Variants in CEP128 observed in about 807,000 individuals in gnomAD.
CEP128 encodes centrosomal protein 128, also known as centrosomal protein 128kDa.
A neutral mutation model predicts 156.7 loss-of-function variants in CEP128; 132 were observed. The observed-to-expected ratio is 0.84, with a 90% CI of 0.73 to 0.97. The LOEUF (loss-of-function observed/expected upper bound fraction) is 0.97. CEP128 is among the 50% of genes least tolerant of loss of function. The pLI is 0.00. For missense variants in CEP128, 1,252 were observed against 1,281.9 expected (o/e 0.98, Z 0.36); for synonymous variants, 469 against 448.9 (o/e 1.04, Z -0.57).
chr14:80,639,404 T>C (rs1894319604), intron 19 of CEP128, among the ~76,000 whole-genome samples: 1 of 152,146 alleles, frequency 6.6e-6, no homozygotes, highest in Non-Finnish European at 1.5e-5. Context: ...GGTATTTACA[T>C]ATGATCCAAA....
chr14:80,697,627 T>C (rs1896933470), intron 19 of CEP128, among the ~76,000 whole-genome samples: 1 of 152,042 alleles, frequency 6.6e-6, no homozygotes, highest in Non-Finnish European at 1.5e-5. Flanking sequence ...AAATGCTGAA[T>C]AGAAAACAGG....
intron 10 of CEP128, among the ~76,000 whole-genome samples, chr14:80,840,172 G>C (rs1177115343): frequency 1.3e-5 from 2 of 152,144 alleles, no homozygotes; most frequent in African/African-American, 4.8e-5. Context: ...AGGAAGAGTT[G>C]TTTGGCCTCT....
chr14:80,621,189 TAAG>T (rs1484544503), intron 19 of CEP128, among the ~76,000 whole-genome samples: 3 of 152,212 alleles, frequency 2.0e-5, no homozygotes, highest in East Asian at 3.8e-4. Flanking sequence ...TTTTTTAAGT[TAAG>T]AAGGCAAATA....
Position 80,955,937 on chromosome 14 carries a change from A to G in CEP128, c.-172+2241T>C, listed in dbSNP as rs866096583. 29 of 1,522,520 alleles carry G rather than the reference A, an allele frequency of 1.9e-5. No individual in the cohort carries two copies. In the Middle Eastern group the frequency reaches 1.5e-3, roughly 81 times the overall value. The allele number at this position is 1,522,520 out of a possible 1,614,324, so 94.3% of individuals were successfully genotyped here. On this transcript the variant is annotated intron_variant, in intron 2 of 7. Transcript: ENST00000555529. ...CGAAGTGCACAAAAGCAGCTCAATA[A>G]CAGCCCGAAGTAGTGTGTGAGTGTG...
intron 20 of CEP128, among the ~76,000 whole-genome samples, chr14:80,573,517 C>A (rs1461850884): frequency 6.6e-6 from 1 of 152,076 alleles, no homozygotes; most frequent in Non-Finnish European, 1.5e-5. Context: ...ATACTTCTTT[C>A]GTAGGGTATT....
chr14:80,486,851 T>TGCCCTAAATAGCTCCTGAAGGAA (rs1399084666), downstream of CEP128, among the ~76,000 whole-genome samples: 16 of 152,120 alleles, frequency 1.1e-4, no homozygotes, highest in African/African-American at 3.9e-4. Context: ...CCACCAGGCC[T>TGCCCTAAATAGCTCCTGAAGGAA]GCCCTAAATA....
intron 23 of CEP128, among the ~76,000 whole-genome samples, chr14:80,507,912 T>C (rs1888054869): frequency 6.6e-6 from 1 of 152,210 alleles, no homozygotes; most frequent in Admixed American, 6.5e-5. Context: ...AATAATAATT[T>C]AATTTTTTTT....
At position 80,505,007 on chromosome 14, in the gene CEP128, A is replaced by C; in HGVS notation, c.3086T>G (p.Phe1029Cys). The change falls in exon 24 of 25, where the codon TTT becomes TGT. Residue 1029 changes from phenylalanine to cysteine, a missense_variant. Coordinates refer to ENST00000555265, the MANE Select transcript of CEP128 (RefSeq NM_152446.5). Reference protein sequence around the residue: ...RTKSFKGDRTFLEGSHTRGLD... With the variant: ...RTKSFKGDRTCLEGSHTRGLD... ...CCCACGAGTGTGGGAACCTTCCAGA[A>C]AGGTTCTGTCACCCTAAGGAAAAAA... The C allele has an allele frequency of 2.5e-6, 4 of 1,594,810 alleles. No homozygotes were observed. The highest frequency in any genetic ancestry group is 3.4e-6 in the Non-Finnish European group (4 of 1,168,502).
intron 19 of CEP128, among the ~76,000 whole-genome samples, chr14:80,727,477 T>G (rs1375250604): frequency 6.6e-6 from 1 of 151,916 alleles, no homozygotes; most frequent in African/African-American, 2.4e-5. Flanking sequence ...AGGCGAAGAT[T>G]ACATGAGGAA....
chr14:80,572,735 C>G (rs1339777015), intron 20 of CEP128, among the ~76,000 whole-genome samples: 3 of 152,176 alleles, frequency 2.0e-5, no homozygotes, highest in African/African-American at 7.2e-5. Flanking sequence ...ACACTGCTAT[C>G]TACATAAGCC....
intron 4 of CEP128, among the ~76,000 whole-genome samples, chr14:80,907,488 T>C (rs1883954063): frequency 1.3e-5 from 2 of 151,692 alleles, no homozygotes; most frequent in Admixed American, 6.6e-5. Flanking sequence ...TGAAACCTCG[T>C]CTCTCCTAAA....
chr14:80,644,948 A>G (rs1339123303), intron 19 of CEP128, among the ~76,000 whole-genome samples: 1 of 152,198 alleles, frequency 6.6e-6, no homozygotes, highest in Non-Finnish European at 1.5e-5. Context: ...CAAATGAATC[A>G]TATCTCATTC....
intron 19 of CEP128, among the ~76,000 whole-genome samples, chr14:80,674,940 T>A (rs1308306726): frequency 6.6e-6 from 1 of 151,836 alleles, no homozygotes; most frequent in Non-Finnish European, 1.5e-5. Context: ...GGGATCCTAC[T>A]CTCTATAGCA....
chr14:80,543,513 T>C (rs1406009322), intron 21 of CEP128, among the ~76,000 whole-genome samples: 2 of 152,226 alleles, frequency 1.3e-5, no homozygotes, highest in Non-Finnish European at 2.9e-5. Flanking sequence ...AGGGTACATA[T>C]GGAGTACATG....
chr14:80,519,567 C>T (rs373987320), intron 23 of CEP128, among the ~76,000 whole-genome samples: 35 of 152,332 alleles, frequency 2.3e-4, no homozygotes, highest in African/African-American at 8.4e-4. Context: ...TCCATTTCTG[C>T]CCTATTCTGA....
At chr14:80,918,067 C>T (rs1884660591) in intron 2 of CEP128, among the ~76,000 whole-genome samples, 1 of 152,150 alleles carries the variant, frequency 6.6e-6, no homozygotes, top group Non-Finnish European at 1.5e-5. Flanking sequence ...CTGTCTTATC[C>T]CATGTATAAT....
intron 14 of CEP128, among the ~76,000 whole-genome samples, chr14:80,479,415 T>C (rs939289804): frequency 5.3e-5 from 8 of 152,142 alleles, no homozygotes; most frequent in African/African-American, 1.9e-4. Flanking sequence ...CTCAGAATCA[T>C]GGTGGGAGGT....
chr14:80,515,691 C>T (rs1268953962), intron 23 of CEP128, among the ~76,000 whole-genome samples: 1 of 152,156 alleles, frequency 6.6e-6, no homozygotes, highest in Non-Finnish European at 1.5e-5. Flanking sequence ...CCCCACTCTG[C>T]CTGAGCTGTT....
At chr14:80,693,616 T>A (rs1490402301) in intron 19 of CEP128, among the ~76,000 whole-genome samples, 3 of 152,160 alleles carry the variant, frequency 2.0e-5, no homozygotes, top group South Asian at 4.1e-4. Flanking sequence ...CATACTTCTT[T>A]ATTTTAAAAA....
Sources: allele counts gnomAD v4.1 joint callset (sites outside exome capture counted in the v4.1 genomes callset), GRCh38; gene constraint gnomAD v4.1.1; transcripts MANE v1.5; gene names NCBI Gene and HGNC (gene_info 2026-07-23, HGNC 2026-07-21).